The following TBC1D5 variants were observed in gnomAD, a reference collection of about 807,000 sequenced individuals.
The protein encoded by TBC1D5 is TBC1 domain family member 5, also known as TBC1 domain family, member 5.
A neutral mutation model predicts 100.3 loss-of-function variants in TBC1D5; 75 were observed. The ratio of observed to expected loss-of-function variants is 0.75; its 90% CI spans 0.62 to 0.91. TBC1D5 has a LOEUF of 0.91. Ranked by LOEUF, TBC1D5 falls within the 40% of genes least tolerant of loss-of-function variation. The probability of loss-of-function intolerance (pLI) is 0.00; values close to 1 mark genes in which losing one functional copy is unlikely to be tolerated. For synonymous variants in TBC1D5, 323 were observed against 325.6 expected (o/e 0.99, Z 0.09); for missense variants, 910 against 942.4 (o/e 0.97, Z 0.45).
chr3:17,463,943 C>CTTTTTTTTTTTTTTTT (rs1025162858), intron 3 of TBC1D5, among the ~76,000 whole-genome samples: 1 of 87,524 alleles, frequency 1.1e-5, no homozygotes, highest in African/African-American at 4.7e-5. Context: ...TTCCTTATTC[C>CTTTTTTTTTTTTTTTT]TTTTTTTTTT....
chr3:17,459,966 A>C (rs1167124885), intron 3 of TBC1D5, among the ~76,000 whole-genome samples: 3 of 152,250 alleles, frequency 2.0e-5, no homozygotes, highest in Non-Finnish European at 4.4e-5. Context: ...GAGTATACTT[A>C]CACAAAAATA....
intron 2 of TBC1D5, among the ~76,000 whole-genome samples, chr3:17,515,423 A>G (rs1016958802): frequency 2.0e-5 from 3 of 152,224 alleles, no homozygotes; most frequent in South Asian, 2.1e-4. Flanking sequence ...GCAAACACAT[A>G]GCACTTATTG....
At chr3:17,161,930 T>C (rs2066100161) in intron 21 of TBC1D5, among the ~76,000 whole-genome samples, 1 of 152,212 alleles carries the variant, frequency 6.6e-6, no homozygotes, top group Non-Finnish European at 1.5e-5. Flanking sequence ...AGAACGGCAA[T>C]TGCAAAGTAT....
At chr3:17,361,165 G>A (rs1429816478) in intron 13 of TBC1D5, among the ~76,000 whole-genome samples, 4 of 151,844 alleles carry the variant, frequency 2.6e-5, no homozygotes, top group Admixed American at 6.6e-5. Flanking sequence ...TGACTGGAAC[G>A]CTATTTCCTG....
intron 3 of TBC1D5, among the ~76,000 whole-genome samples, chr3:17,490,256 T>C (rs777101978): frequency 6.6e-6 from 1 of 152,194 alleles, no homozygotes; most frequent in African/African-American, 2.4e-5. Flanking sequence ...CTTTGTCAGA[T>C]GGAGATATTG....
At chr3:17,450,742 AC>A (rs1381544589) in intron 3 of TBC1D5, among the ~76,000 whole-genome samples, 1 of 152,192 alleles carries the variant, frequency 6.6e-6, no homozygotes, top group Non-Finnish European at 1.5e-5. Flanking sequence ...ATGTGAAAAG[AC>A]CAAACCTACG....
chr3:17,283,551 C>T (rs1267332013), intron 15 of TBC1D5, among the ~76,000 whole-genome samples: 1 of 152,088 alleles, frequency 6.6e-6, no homozygotes. Flanking sequence ...TATTCTTAAA[C>T]AATAACTTAT....
At chr3:17,323,170 G>A (rs1008768094) in intron 13 of TBC1D5, among the ~76,000 whole-genome samples, 1 of 152,050 alleles carries the variant, frequency 6.6e-6, no homozygotes, top group Non-Finnish European at 1.5e-5. Flanking sequence ...GTGAAGAAAC[G>A]GGAAAAACAG....
chr3:17,329,291 A>G (rs1200111498), intron 13 of TBC1D5, among the ~76,000 whole-genome samples: 1 of 152,248 alleles, frequency 6.6e-6, no homozygotes, highest in East Asian at 1.9e-4. Context: ...AAACATGTTT[A>G]CATAGTATGA....
chr3:17,436,785 AC>A (rs2094543599), intron 3 of TBC1D5, among the ~76,000 whole-genome samples: 1 of 152,202 alleles, frequency 6.6e-6, no homozygotes, highest in Admixed American at 6.5e-5. Context: ...ACTAAAACTA[AC>A]ATGTATGATA....
chr3:17,345,377 C>G (rs1265740053), intron 13 of TBC1D5, among the ~76,000 whole-genome samples: 1 of 152,140 alleles, frequency 6.6e-6, no homozygotes, highest in African/African-American at 2.4e-5. Context: ...GAGATACCAT[C>G]TCACACCAGT....
Position 17,251,432 on chromosome 3 carries a change from C to CT in TBC1D5, c.1331+7073_1331+7074insA, listed in dbSNP as rs1359558481. ...ATATATATACTCACGGGAACCCCCCCCCCCCCAGTAGAAGCGATTAGAAGT... is the reference window on the plus strand; with the variant it reads ...ATATATATACTCACGGGAACCCCCCCTCCCCCCAGTAGAAGCGATTAGAAGT... On this transcript the variant is annotated intron_variant, in intron 16 of 21. Coordinates refer to ENST00000253692, the Ensembl canonical transcript of TBC1D5. Among the ~76,000 whole-genome samples the CT allele has an allele frequency of 3.5e-5, 5 of 143,776 alleles. No homozygotes were observed. The South Asian group carries it at 1.0e-3, about 30-fold the overall frequency. The allele number at this position is 143,776 out of a possible 152,430, so 94.3% of individuals were successfully genotyped here. A position where few individuals can be genotyped will look rare whatever the true frequency, so the allele number is the denominator to read the frequency against.
chr3:17,398,960 A>G (rs1292160013), intron 8 of TBC1D5, among the ~76,000 whole-genome samples: 1 of 152,148 alleles, frequency 6.6e-6, no homozygotes, highest in African/African-American at 2.4e-5. Context: ...ATGATTTCCA[A>G]TTGCCAAGAC....
chr3:17,727,249 C>T (rs1377597277), intron 1 of TBC1D5, among the ~76,000 whole-genome samples: 2 of 152,086 alleles, frequency 1.3e-5, no homozygotes, highest in Non-Finnish European at 2.9e-5. Context: ...GGCACGGTGG[C>T]GCATGCCTGT....
chr3:17,455,338 A>ATG (rs1181033850), intron 3 of TBC1D5, among the ~76,000 whole-genome samples: 199 of 144,310 alleles, frequency 1.4e-3, no homozygotes, highest in African/African-American at 5.2e-3. Context: ...ATATATGTAT[A>ATG]TGTATATATG....
At chr3:17,221,220 G>T (rs1417582797) in intron 17 of TBC1D5, among the ~76,000 whole-genome samples, 1 of 151,996 alleles carries the variant, frequency 6.6e-6, no homozygotes, top group Non-Finnish European at 1.5e-5. Context: ...TAAGGATGTT[G>T]AGATGGAGAG....
chr3:17,701,248 A>G (rs561263458), intron 1 of TBC1D5, among the ~76,000 whole-genome samples: 1 of 152,026 alleles, frequency 6.6e-6, no homozygotes, highest in Non-Finnish European at 1.5e-5. Context: ...CAAATACCAC[A>G]TGTTCTCACT....
chr3:17,659,056 A>G (rs1008480633), intron 1 of TBC1D5, among the ~76,000 whole-genome samples: 1 of 152,196 alleles, frequency 6.6e-6, no homozygotes, highest in Non-Finnish European at 1.5e-5. Flanking sequence ...TAGGAAGCAA[A>G]TGTTCCCTCC....
chr3:17,185,827 C>T (rs2068977360), intron 18 of TBC1D5, among the ~76,000 whole-genome samples: 1 of 152,120 alleles, frequency 6.6e-6, no homozygotes, highest in African/African-American at 2.4e-5. Flanking sequence ...TGTTGCTCCT[C>T]TCTCTTGATA....
Sources: gnomAD v4.1 joint callset for allele counts (sites outside exome capture counted in the v4.1 genomes callset) on GRCh38, gnomAD v4.1.1 for gene constraint, MANE v1.5 for transcripts, NCBI Gene and HGNC (gene_info 2026-07-23, HGNC 2026-07-21) for gene names.